Variants in STK31 observed in about 807,000 individuals in gnomAD.
The protein encoded by STK31 is serine/threonine kinase 31.
A neutral mutation model predicts 129.7 loss-of-function variants in STK31; 89 were observed. That is an observed-to-expected ratio of 0.69 (90% CI 0.58 to 0.82). The LOEUF (loss-of-function observed/expected upper bound fraction) is 0.82. STK31 is among the 40% of genes least tolerant of loss of function. STK31 has a pLI of 0.00. For synonymous variants in STK31, 448 were observed against 395.3 expected, an observed-to-expected ratio of 1.13 and a Z score of -1.58; for missense variants, 1,187 against 1,176.4, an observed-to-expected ratio of 1.01 and a Z score of -0.13.
chr7:23,774,168 AT>A (rs756764934), intron 15 of STK31, among the ~76,000 whole-genome samples: 45 of 152,236 alleles, frequency 3.0e-4, no homozygotes, highest in Non-Finnish European at 5.9e-4. Context: ...CATATTCTTA[AT>A]CCAGTCTATT....
At chr7:23,776,102 T>C (rs1293296810) in intron 15 of STK31, among the ~76,000 whole-genome samples, 1 of 152,280 alleles carries the variant, frequency 6.6e-6, no homozygotes, top group African/African-American at 2.4e-5. Flanking sequence ...GTTTTTGTCA[T>C]TGGTTCTGTT....
intron 23 of STK31, among the ~76,000 whole-genome samples, chr7:23,829,371 A>T (rs913419955): frequency 3.9e-5 from 6 of 152,072 alleles, no homozygotes; most frequent in African/African-American, 1.4e-4. Flanking sequence ...TTCTGTGTCT[A>T]TTGAGATCGT....
chr7:23,800,651 T>C lies in STK31; in HGVS notation c.2760+9705T>C, dbSNP rs1230669158. 2.0e-5 allele frequency among the ~76,000 whole-genome samples: 3 copies of C among 152,066 alleles called. No homozygotes were observed. In the South Asian group the frequency reaches 6.2e-4, roughly 32 times the overall value. The stretch of plus-strand genomic sequence containing the variant: ...ATTAGGAGAAATACCTAATGTAGAT[T>C]ATGGTTTGATGGGTGCAGCAAACCA... On this transcript the variant is annotated intron_variant, in intron 22 of 23. Transcript: ENST00000355870.
intron 23 of STK31, among the ~76,000 whole-genome samples, chr7:23,822,247 C>T (rs1182814237): frequency 6.6e-6 from 1 of 152,128 alleles, no homozygotes; most frequent in Admixed American, 6.6e-5. Context: ...TTTAACAATA[C>T]TAATCTTCTG....
At position 23,730,875 on chromosome 7, in the gene STK31, TA is replaced by T. The variant is rs1426546341; in HGVS notation, c.483+1627del. ...AAACATTTATATATATATATATATA[TA>T]TATTTTTTTTTTTTTTTTTTGGTTG... On this transcript the variant is annotated intron_variant, in intron 6 of 23. Coordinates refer to ENST00000355870, the MANE Select transcript of STK31 (RefSeq NM_031414.5). 7.1e-3 allele frequency among the ~76,000 whole-genome samples: 393 copies of T among 55,038 alleles called. 4 individuals carry two copies. The highest frequency in any genetic ancestry group is 0.029 in the South Asian group (39 of 1,326). The allele number at this position is 55,038 out of a possible 152,430, so 36.1% of individuals were successfully genotyped here.
At chr7:23,737,860 A>T (rs922852875) in intron 8 of STK31, among the ~76,000 whole-genome samples, 3 of 149,148 alleles carry the variant, frequency 2.0e-5, no homozygotes, top group African/African-American at 7.5e-5. Flanking sequence ...GTGGTTGATA[A>T]GTGTGTGTGT....
At chr7:23,818,479 G>A (rs1412976083) in intron 23 of STK31, among the ~76,000 whole-genome samples, 1 of 152,070 alleles carries the variant, frequency 6.6e-6, no homozygotes, top group Non-Finnish European at 1.5e-5. Context: ...TGTATGTACA[G>A]GGGTATATTT....
chr7:23,719,925 C>T (rs1786588824), intron 4 of STK31, among the ~76,000 whole-genome samples: 2 of 152,080 alleles, frequency 1.3e-5, no homozygotes, highest in South Asian at 4.1e-4. Context: ...TGGTGGTAGT[C>T]CATGATACTC....
chr7:23,729,545 C>T (rs1219990452), intron 6 of STK31, among the ~76,000 whole-genome samples: 4 of 143,152 alleles, frequency 2.8e-5, no homozygotes, highest in Non-Finnish European at 4.5e-5. Context: ...GAGTCTGACT[C>T]TGTTGCCCAG....
Position 23,832,464 on chromosome 7 carries a change from T to G in STK31, c.*98T>G. The G allele has an allele frequency of 1.2e-6, 1 of 834,180 alleles. No homozygotes were observed. The highest frequency in any genetic ancestry group is 1.9e-6 in the Non-Finnish European group (1 of 524,806). 51.7% of individuals were successfully genotyped at this position (834,180 alleles called of 1,614,324 possible). A position where few individuals can be genotyped will look rare whatever the true frequency, so the allele number is the denominator to read the frequency against. On this transcript the variant is annotated 3_prime_UTR_variant, in exon 24 of 24. Transcript: ENST00000355870. ...ATGTTCTGGGACTAGTTGAGTTGTA[T>G]CTTTAGTATTCAGGTTGTGAAAAAT...
chr7:23,810,904 A>T (rs1793089609), intron 22 of STK31, among the ~76,000 whole-genome samples: 1 of 135,490 alleles, frequency 7.4e-6, no homozygotes, highest in Non-Finnish European at 1.6e-5. Flanking sequence ...ATATATAAAT[A>T]TACATAAAAT....
rs1241168030 is a variant in STK31, at chr7:23,813,087, T to TA, written c.2761-2057_2761-2056insA. On this transcript the variant is annotated intron_variant, in intron 22 of 23. Transcript: ENST00000355870. ...CTTGAGGCTCTCTGTTCTTTTTTTTTTTTTTTTTTTTGTCTGTTTTCTCTC... is the reference window on the plus strand; with the variant it reads ...CTTGAGGCTCTCTGTTCTTTTTTTTTATTTTTTTTTTTGTCTGTTTTCTCTC... Among the ~76,000 whole-genome samples, 101 of 144,594 alleles carry TA rather than the reference T, an allele frequency of 7.0e-4. 1 individual carries two copies. Among genetic ancestry groups the TA allele is most frequent in the African/African-American group, 1.7e-3 (64 of 37,654 alleles). The allele number at this position is 144,594 out of a possible 152,430, so 94.9% of individuals were successfully genotyped here. A position where few individuals can be genotyped will look rare whatever the true frequency, so the allele number is the denominator to read the frequency against.
At chr7:23,747,090 GT>G (rs1788401641) in intron 8 of STK31, among the ~76,000 whole-genome samples, 1 of 151,892 alleles carries the variant, frequency 6.6e-6, no homozygotes, top group Non-Finnish European at 1.5e-5. Flanking sequence ...TTTTTGGAGG[GT>G]TTTTACATAT....
At chr7:23,721,296 C>T (rs1006273585) in intron 4 of STK31, 2 of 613,408 alleles carry the variant, frequency 3.3e-6, no homozygotes, top group Non-Finnish European at 5.8e-6. Flanking sequence ...ATTCTTTCTC[C>T]TTGATCTAAA....
rs143223805 is a variant in STK31 at position 23,781,480 on chromosome 7, A to G, written c.2027A>G (p.Asn676Ser). 1.5e-4 allele frequency: 244 copies of G among 1,612,098 alleles called. No homozygotes were observed. The highest frequency in any genetic ancestry group is 2.0e-4 in the Non-Finnish European group (234 of 1,179,216). The part of the protein sequence containing the change: ...KIKEEITQLR[N>S]NVFQEIYHER... The stretch of plus-strand genomic sequence containing the variant: ...AAAGAAGAAATAACTCAGCTGCGCA[A>G]TAATGTCTTTCAGGAAATTTATCAT... Residue 676 changes from asparagine to serine, a missense_variant, in exon 16 of 24, where the codon AAT becomes AGT. Physicochemically the swap from Asn to Ser is conservative, Grantham distance 46 (BLOSUM62 1). Around this residue, in one of 5 missense-constraint regions of STK31, gnomAD observed 975 missense variants for 934.9 expected, o/e 1.04. Coordinates refer to ENST00000355870, the MANE Select transcript of STK31 (RefSeq NM_031414.5).
chr7:23,729,435 A>G (rs1029190761), intron 6 of STK31, among the ~76,000 whole-genome samples, 186 bp downstream of exon 6: 6 of 152,124 alleles, frequency 3.9e-5, no homozygotes, highest in South Asian at 2.1e-4. Context: ...TGAACAGATA[A>G]GAATGACATA....
intron 16 of STK31, among the ~76,000 whole-genome samples, chr7:23,783,026 CAATGA>C (rs1425241411): frequency 6.6e-6 from 1 of 151,874 alleles, no homozygotes; most frequent in Non-Finnish European, 1.5e-5. Flanking sequence ...TTTAAAGGAG[CAATGA>C]ACAATTCGCA....
chr7:23,767,469 A>C (rs112404725), intron 11 of STK31, among the ~76,000 whole-genome samples: 30 of 152,134 alleles, frequency 2.0e-4, no homozygotes, highest in Non-Finnish European at 3.8e-4. Context: ...GGGATTATCT[A>C]CTTCCTCTTT....
intron 11 of STK31, among the ~76,000 whole-genome samples, chr7:23,768,665 C>G (rs1218976607): frequency 6.6e-6 from 1 of 152,030 alleles, no homozygotes; most frequent in Non-Finnish European, 1.5e-5. Flanking sequence ...CACAATATAT[C>G]CATGTAGCAA....
Sources: allele counts gnomAD v4.1 joint callset (sites outside exome capture counted in the v4.1 genomes callset), GRCh38; gene constraint gnomAD v4.1.1; regional missense constraint gnomAD v4.1.1; transcripts MANE v1.5; gene names NCBI Gene and HGNC (gene_info 2026-07-23, HGNC 2026-07-21).